SLC9C1: variants seen among roughly 807,000 people sequenced by gnomAD.
SLC9C1 encodes the protein sodium/hydrogen exchanger 10.
SLC9C1 carries 97 observed loss-of-function variants against 140.9 expected under a neutral mutation model. That is an observed-to-expected ratio of 0.69 (90% CI 0.58 to 0.82). The LOEUF (loss-of-function observed/expected upper bound fraction) is 0.82, where lower values mean the gene tolerates loss of function less well. Among genes scored for constraint, SLC9C1 ranks in the 40% least tolerant of loss-of-function variants. The pLI is 0.00. For missense variants in SLC9C1, 1,340 were observed against 1,389.3 expected (o/e 0.96, Z 0.56); for synonymous variants, 440 against 442.6 (o/e 0.99, Z 0.07).
At chr3:112,278,983 T>A in intron 3 of SLC9C1, 126 bp from the exon 4 acceptor site, 2 of 863,110 alleles carry the variant, frequency 2.3e-6, no homozygotes, top group East Asian at 6.3e-5. Flanking sequence ...CACAAAGGAG[T>A]AAGTGATCGT....
chr3:112,235,281 T>G (rs2078953049), intron 12 of SLC9C1, among the ~76,000 whole-genome samples: 1 of 126,734 alleles, frequency 7.9e-6, no homozygotes, highest in Non-Finnish European at 1.7e-5. Context: ...TGTTTGTTTG[T>G]TATTGGTGTA....
At chr3:112,152,684 G>A (rs2107857920) in intron 27 of SLC9C1, among the ~76,000 whole-genome samples, 1 of 152,292 alleles carries the variant, frequency 6.6e-6, no homozygotes, top group Admixed American at 6.5e-5. Flanking sequence ...GCTTTCTTGG[G>A]TAGAGGTCTC....
At chr3:112,288,042 CAAAAAAAAAAA>C (rs11462109) in intron 1 of SLC9C1, among the ~76,000 whole-genome samples, 4 of 81,804 alleles carry the variant, frequency 4.9e-5, no homozygotes, top group Admixed American at 1.6e-4. Flanking sequence ...GACTCCGTCT[CAAAAAAAAAAA>C]AAAAAAAAAA....
chr3:112,262,946 C>A lies in SLC9C1; in HGVS notation c.1175G>T (p.Gly392Val). The A allele has an allele frequency of 6.3e-7, 1 of 1,575,306 alleles. No individual in the cohort carries two copies. Among genetic ancestry groups the A allele is most frequent in the South Asian group, 1.2e-5 (1 of 83,282 alleles). The part of the protein sequence containing the change: ...LLLAYSDLYF[G>V]SDKEKSQILF... ...TACTTGAGATTTTTCTTTGTCAGAT[C>A]CAAAATAAAGATCAGAGTAGGCAAG... is the stretch of plus-strand genomic sequence containing the variant. Residue 392 changes from glycine to valine, a missense_variant, in exon 10 of 29, where the codon GGA (glycine) becomes GTA (valine). Coordinates refer to ENST00000305815, the MANE Select transcript of SLC9C1 (RefSeq NM_183061.3).
At chr3:112,165,957 G>A (rs1443286318) in intron 26 of SLC9C1, among the ~76,000 whole-genome samples, 1 of 152,188 alleles carries the variant, frequency 6.6e-6, no homozygotes, top group African/African-American at 2.4e-5. Flanking sequence ...ACCTACTCAA[G>A]CCTAAGCAAT....
intron 10 of SLC9C1, among the ~76,000 whole-genome samples, chr3:112,250,643 C>T (rs4401342): frequency 0.59 from 89,841 of 151,818 alleles, 27,108 homozygotes; most frequent in East Asian, 0.79. Context: ...ACACGTGAAA[C>T]ATGTGAAAAT....
At chr3:112,148,590 G>A (rs1488800055) in intron 28 of SLC9C1, among the ~76,000 whole-genome samples, 1 of 152,162 alleles carries the variant, frequency 6.6e-6, no homozygotes. Context: ...ATATTGGGCT[G>A]TGCAGTTCAT....
chr3:112,187,829 G>A (rs1169771969), intron 20 of SLC9C1, among the ~76,000 whole-genome samples: 1 of 151,754 alleles, frequency 6.6e-6, no homozygotes, highest in Non-Finnish European at 1.5e-5. Context: ...ACATAGATAG[G>A]TGTATCTACA....
At position 112,231,390 on chromosome 3, in the gene SLC9C1, C is replaced by T; in HGVS notation, c.1543G>A (p.Ala515Thr). ...EIFNTEAMEL[A>T]NRRLLSAQIA... ...TGTGCTGACAAGAGACGCCTGTTGG[C>T]CAGCTCCATTGCTTCAGTGTTAAAG... The change falls in exon 13 of 29, where the codon GCC becomes ACC. Residue 515 changes from alanine to threonine, a missense_variant. Ala to Thr is a moderately conservative substitution (Grantham distance 58). Coordinates refer to ENST00000305815, the MANE Select transcript of SLC9C1 (RefSeq NM_183061.3). 1.2e-6 allele frequency: 2 copies of T among 1,613,358 alleles called. No homozygotes were observed. Among genetic ancestry groups the T allele is most frequent in the Non-Finnish European group, 1.7e-6 (2 of 1,179,652 alleles).
intron 15 of SLC9C1, among the ~76,000 whole-genome samples, chr3:112,215,724 G>A (rs1472062739): frequency 6.6e-6 from 1 of 152,162 alleles, no homozygotes; most frequent in African/African-American, 2.4e-5. Flanking sequence ...ACAAATGGAA[G>A]AACATTCCAT....
intron 2 of SLC9C1, among the ~76,000 whole-genome samples, chr3:112,284,671 C>CA (rs1172164949): frequency 1.3e-5 from 2 of 152,064 alleles, no homozygotes; most frequent in Admixed American, 1.3e-4. Flanking sequence ...GTGATGCCAG[C>CA]AAAAAACTTC....
rs1229972473 is a variant in SLC9C1, at chr3:112,202,367, A to G, written c.2205T>C (p.Asp735=). The change falls in exon 18 of 29, where the codon GAT becomes GAC. Residue 735 remains aspartate, a synonymous_variant. Transcript: ENST00000305815. ...LIAPKLLQII[D]KRMSHQKTFW... is the part of the protein sequence containing the mutation. ...AGGTCTTCTGATGACTCATTCTTTT[A>G]TCTATTATTTGCAGCAACTTTGGTG... 1.2e-6 allele frequency: 2 copies of G among 1,605,734 alleles called. No homozygotes were observed. Among genetic ancestry groups the G allele is most frequent in the Non-Finnish European group, 1.7e-6 (2 of 1,175,668 alleles).
In SLC9C1 at chr3:112,202,326, A is replaced by G; in HGVS notation, c.2246T>C (p.Leu749Pro). ...SHQKTFWYGI[L>P]KGYVQGEADI... The stretch of plus-strand genomic sequence containing the variant: ...TGCTTCGCCTTGGACATAGCCTTTT[A>G]GTATTCCATACCAAAAGGTCTTCTG... The change falls in exon 18 of 29, where the codon CTA (leucine) becomes CCA (proline). Residue 749 changes from leucine to proline, a missense_variant. Coordinates refer to ENST00000305815, the MANE Select transcript of SLC9C1 (RefSeq NM_183061.3). 6.2e-7 allele frequency: 1 copy of G among 1,610,950 alleles called. No individual in the cohort carries two copies.
At chr3:112,231,839 T>G (rs1472867408) in intron 12 of SLC9C1, among the ~76,000 whole-genome samples, 1 of 152,186 alleles carries the variant, frequency 6.6e-6, no homozygotes, top group Non-Finnish European at 1.5e-5. Flanking sequence ...GTTAGAAACG[T>G]GCATTCTCAG....
intron 10 of SLC9C1, among the ~76,000 whole-genome samples, chr3:112,261,449 T>G (rs2079768657): frequency 6.6e-6 from 1 of 152,100 alleles, no homozygotes. Context: ...ACTGTACAAT[T>G]ACACAGATGG....
chr3:112,214,926 A>G (rs901281505), intron 15 of SLC9C1, among the ~76,000 whole-genome samples: 1 of 152,224 alleles, frequency 6.6e-6, no homozygotes, highest in African/African-American at 2.4e-5. Context: ...TTTTAGACCA[A>G]TATTCCTGAT....
chr3:112,284,818 A>G (rs911830135), intron 2 of SLC9C1, among the ~76,000 whole-genome samples: 2 of 152,196 alleles, frequency 1.3e-5, no homozygotes, highest in East Asian at 1.9e-4. Context: ...GTTATATGGT[A>G]AGACAAGCAT....
intron 28 of SLC9C1, among the ~76,000 whole-genome samples, chr3:112,146,406 A>G (rs1576195690): frequency 6.6e-6 from 1 of 152,034 alleles, no homozygotes; most frequent in Non-Finnish European, 1.5e-5. Flanking sequence ...GTGAAATTAG[A>G]TTGTTAATTT....
intron 11 of SLC9C1, 55 bp from the exon 12 acceptor site, chr3:112,240,061 G>T: frequency 2.0e-6 from 3 of 1,475,160 alleles, no homozygotes; most frequent in South Asian, 1.4e-5. Context: ...TTTTGATATG[G>T]GTTAGAAAGC....
Sources: gnomAD v4.1 joint callset for allele counts (sites outside exome capture counted in the v4.1 genomes callset) on GRCh38, gnomAD v4.1.1 for gene constraint, MANE v1.5 for transcripts, NCBI Gene and HGNC (gene_info 2026-07-23, HGNC 2026-07-21) for gene names.